COL27A1: variants seen among roughly 807,000 people sequenced by gnomAD.
COL27A1 encodes collagen type XXVII alpha 1 chain.
In COL27A1, 106 loss-of-function variants were observed where a neutral mutation model predicts 251.3. The ratio of observed to expected loss-of-function variants is 0.42; its 90% CI spans 0.36 to 0.50. The LOEUF (loss-of-function observed/expected upper bound fraction) is 0.50, where lower values mean the gene tolerates loss of function less well. COL27A1 is among the 20% of genes least tolerant of loss of function. The pLI, the probability that COL27A1 is intolerant of heterozygous loss-of-function variation, is 0.00. For missense variants in COL27A1, 2,325 were observed against 2,522.8 expected (o/e 0.92, Z 1.68); for synonymous variants, 1,000 against 986.3 (o/e 1.01, Z -0.26).
chr9:114,242,123 A>T, intron 21 of COL27A1, 64 bp from the exon 22 acceptor site: 1 of 1,415,070 alleles, frequency 7.1e-7, no homozygotes, highest in South Asian at 1.4e-5. Context: ...ACAGGACAAG[A>T]TCTCTGCAAG....
chr9:114,304,410 G>A (rs772975130), intron 56 of COL27A1, among the ~76,000 whole-genome samples, 198 bp from the exon 57 acceptor site: 3 of 152,366 alleles, frequency 2.0e-5, no homozygotes, highest in Non-Finnish European at 2.9e-5. Flanking sequence ...AGGGCCATGG[G>A]GAGCTATTAG....
At chr9:114,215,785 C>G (rs145306956) in intron 12 of COL27A1, among the ~76,000 whole-genome samples, 12 of 152,280 alleles carry the variant, frequency 7.9e-5, no homozygotes, top group East Asian at 5.8e-4. Flanking sequence ...TTGATATAAA[C>G]CCTAACTAGT....
intron 39 of COL27A1, among the ~76,000 whole-genome samples, chr9:114,283,289 A>G (rs1281457287): frequency 6.6e-6 from 1 of 152,238 alleles, no homozygotes; most frequent in Non-Finnish European, 1.5e-5. Context: ...GCACAGATGC[A>G]ATAGACCAAA....
intron 48 of COL27A1, 40 bp from the exon 49 acceptor site, chr9:114,292,062 CT>C (rs762736132): frequency 6.5e-7 from 1 of 1,528,518 alleles, no homozygotes; most frequent in South Asian, 1.2e-5. Flanking sequence ...CTTAGAACCC[CT>C]TCCCACTTTG....
intron 1 of COL27A1, 93 bp downstream of exon 1, chr9:114,156,105 C>A (rs2134977375): frequency 1.6e-6 from 2 of 1,283,862 alleles, no homozygotes; most frequent in Non-Finnish European, 9.9e-7. Flanking sequence ...TCGCTTCCAG[C>A]GGAACGTCAG....
intron 5 of COL27A1, among the ~76,000 whole-genome samples, chr9:114,193,156 G>A (rs1172486232): frequency 6.6e-6 from 1 of 152,190 alleles, no homozygotes; most frequent in African/African-American, 2.4e-5. Flanking sequence ...GCTGAGGCAG[G>A]GAGGGGAGAG....
intron 14 of COL27A1, among the ~76,000 whole-genome samples, chr9:114,228,244 C>T (rs1831650110): frequency 6.6e-6 from 1 of 152,248 alleles, no homozygotes; most frequent in Non-Finnish European, 1.5e-5. Context: ...CACAACAAGC[C>T]ACTTCAGGCC....
chr9:114,265,504 T>A, intron 32 of COL27A1, 29 bp downstream of exon 32: 1 of 1,610,826 alleles, frequency 6.2e-7, no homozygotes, highest in Non-Finnish European at 8.5e-7. Context: ...CCTCTTCTGC[T>A]TCTTTGCCGC....
Position 114,290,062 on chromosome 9 carries a change from C to G in COL27A1, c.4211C>G (p.Pro1404Arg). The G allele has an allele frequency of 6.2e-7, 1 of 1,611,752 alleles. No homozygotes were observed. The highest frequency in any genetic ancestry group is 8.5e-7 in the Non-Finnish European group (1 of 1,179,972). Residue 1404 changes from proline to arginine, a missense_variant, in exon 46 of 61, where the codon CCA becomes CGA. Transcript: ENST00000356083. The surrounding 1 kb of genome is among the most constrained non-coding windows in gnomAD (Gnocchi z 4.6). Reference protein sequence around the residue: ...GPKGSKGAEGPKGKQGKAGAP... With the variant: ...GPKGSKGAEGRKGKQGKAGAP... ...ATGTGGCCCTTGATTTTTCAGGGAC[C>G]AAAGGGAAAGCAAGGCAAGGCAGGG...
At chr9:114,157,393 T>A (rs1848196370) in intron 1 of COL27A1, among the ~76,000 whole-genome samples, 1 of 152,158 alleles carries the variant, frequency 6.6e-6, no homozygotes, top group African/African-American at 2.4e-5. Context: ...CCTCTGCTCC[T>A]GGACCCTTCT....
chr9:114,284,834 C>T, intron 41 of COL27A1, 57 bp downstream of exon 41: 1 of 1,584,750 alleles, frequency 6.3e-7, no homozygotes, highest in Non-Finnish European at 8.7e-7. Flanking sequence ...CTGAGGTCAG[C>T]TTCAGGGCCA....
chr9:114,208,777 G>A (rs964521544), intron 10 of COL27A1, among the ~76,000 whole-genome samples: 5 of 152,158 alleles, frequency 3.3e-5, no homozygotes, highest in African/African-American at 9.7e-5. Flanking sequence ...ACTGGGGATG[G>A]GGGGGAGAGA....
chr9:114,173,543 T>C (rs1849473063), intron 3 of COL27A1, among the ~76,000 whole-genome samples: 1 of 151,808 alleles, frequency 6.6e-6, no homozygotes, highest in Non-Finnish European at 1.5e-5. Flanking sequence ...CCATTCATTC[T>C]TTGCACAATT....
At chr9:114,265,618 C>T (rs1298938419) in intron 32 of COL27A1, 143 bp downstream of exon 32, 12 of 754,190 alleles carry the variant, frequency 1.6e-5, no homozygotes, top group East Asian at 8.2e-5. Context: ...GGGTTGGTGG[C>T]GAGCACTAAG....
chr9:114,287,935 G>C (rs577931875), intron 41 of COL27A1, among the ~76,000 whole-genome samples: 9 of 152,080 alleles, frequency 5.9e-5, no homozygotes, highest in Non-Finnish European at 1.0e-4. Context: ...CGGATGTCAT[G>C]AGTCTGCCTG....
In COL27A1 at chr9:114,243,571, C is replaced by A; in HGVS notation, c.2934+11C>A. On this transcript the variant is annotated intron_variant, in intron 23 of 60. Transcript: ENST00000356083. ...CTGGATGGCGTGAAGGTGAGGGGAC[C>A]TGGAGATCCCTGGGGACAAGAGGAA... 1 of 1,609,534 alleles carries A rather than the reference C, an allele frequency of 6.2e-7. No individual in the cohort carries two copies. The highest frequency in any genetic ancestry group is 2.2e-5 in the East Asian group (1 of 44,792).
upstream of COL27A1, chr9:114,155,503 G>A (rs905421662): frequency 2.0e-5 from 3 of 152,158 alleles, no homozygotes; most frequent in African/African-American, 7.2e-5. This position sits in a 1 kb window ranked among gnomAD's most constrained non-coding sequence, Gnocchi z 5.5. Flanking sequence ...CGCGGGCCGA[G>A]ACTTTAAATC....
chr9:114,161,478 C>T (rs963866342), intron 1 of COL27A1, among the ~76,000 whole-genome samples: 4 of 152,192 alleles, frequency 2.6e-5, no homozygotes, highest in African/African-American at 9.7e-5. Context: ...ACCATGCCCA[C>T]AGTGACAGAA....
In COL27A1 at chr9:114,231,830, G is replaced by A; in HGVS notation, c.2529G>A (p.Met843Ile). ...YPGPKGMKGL[M>I]GSVGEPGLKG... Reference sequence around the variant, plus strand: ...TGGGCTTTGTCTTGCAGGGACTGATGGGCAGCGTGGGGGAGCCCGGACTGA... The same window carrying A: ...TGGGCTTTGTCTTGCAGGGACTGATAGGCAGCGTGGGGGAGCCCGGACTGA... Residue 843 changes from methionine to isoleucine, a missense_variant, in exon 16 of 61, where the codon ATG becomes ATA. This residue lies in a region of COL27A1 where 1,183 missense variants were observed against 1,144.1 expected (regional missense o/e 1.03). Coordinates refer to ENST00000356083, the MANE Select transcript of COL27A1 (RefSeq NM_032888.4). 1.2e-6 allele frequency: 2 copies of A among 1,614,152 alleles called. No individual in the cohort carries two copies. Among genetic ancestry groups the A allele is most frequent in the Non-Finnish European group, 1.7e-6 (2 of 1,180,006 alleles).
Sources: allele counts gnomAD v4.1 joint callset (sites outside exome capture counted in the v4.1 genomes callset), GRCh38; gene constraint gnomAD v4.1.1; regional missense constraint gnomAD v4.1.1; non-coding constraint Gnocchi (gnomAD v3.1); transcripts MANE v1.5; gene names NCBI Gene and HGNC (gene_info 2026-07-23, HGNC 2026-07-21).